RAPGEF2: variants seen among roughly 807,000 people sequenced by gnomAD.
The protein encoded by RAPGEF2 is PDZ domain containing guanine nucleotide exchange factor (GEF) 1.
RAPGEF2 carries 54 observed loss-of-function variants against 186.7 expected under a neutral mutation model. That is an observed-to-expected ratio of 0.29 (90% CI 0.23 to 0.36). RAPGEF2 has a LOEUF of 0.36. Ranked by LOEUF, RAPGEF2 falls within the 10% of genes least tolerant of loss-of-function variation. The probability of loss-of-function intolerance (pLI) is 1.00; values close to 1 mark genes in which losing one functional copy is unlikely to be tolerated. For missense variants in RAPGEF2, 1,532 were observed against 2,045.0 expected (o/e 0.75, Z 4.84); for synonymous variants, 712 against 705.9 (o/e 1.01, Z -0.14).
At chr4:159,228,345 G>A (rs1752255957) in intron 4 of RAPGEF2, 1 of 152,220 alleles carries the variant, frequency 6.6e-6, no homozygotes, top group African/African-American at 2.4e-5. Flanking sequence ...CAAAGATACT[G>A]AAGACAGTGC....
At chr4:159,158,172 A>G (rs984239990) in intron 1 of RAPGEF2, among the ~76,000 whole-genome samples, 22 of 152,312 alleles carry the variant, frequency 1.4e-4, no homozygotes, top group African/African-American at 4.8e-4. Context: ...TTTTTGCCAA[A>G]AGTAAAAAGA....
chr4:159,250,770 C>T (rs930701338), intron 7 of RAPGEF2, among the ~76,000 whole-genome samples: 2 of 150,600 alleles, frequency 1.3e-5, no homozygotes, highest in Non-Finnish European at 2.9e-5. Context: ...TGACAACGTG[C>T]TAGCAGCCCT....
chr4:159,147,695 A>T (rs900561760), intron 1 of RAPGEF2, among the ~76,000 whole-genome samples: 42 of 152,342 alleles, frequency 2.8e-4, no homozygotes, highest in African/African-American at 9.9e-4. Flanking sequence ...AATATTCATT[A>T]AAAATTACAC....
At chr4:159,204,025 C>G (rs1749715284) in intron 3 of RAPGEF2, among the ~76,000 whole-genome samples, 1 of 152,166 alleles carries the variant, frequency 6.6e-6, no homozygotes, top group African/African-American at 2.4e-5. Flanking sequence ...GGGGTTTGGA[C>G]CTTCTCCTGT....
chr4:159,213,065 T>C (rs1161024984), intron 4 of RAPGEF2, among the ~76,000 whole-genome samples: 1 of 152,218 alleles, frequency 6.6e-6, no homozygotes, highest in Non-Finnish European at 1.5e-5. Flanking sequence ...AGTACTTTAA[T>C]AGGGTGAAAG....
chr4:159,248,436 T>G (rs1202038804), intron 7 of RAPGEF2, among the ~76,000 whole-genome samples: 2 of 152,188 alleles, frequency 1.3e-5, no homozygotes, highest in East Asian at 3.9e-4. Flanking sequence ...AAAGTATCCT[T>G]TGCTTTTCAC....
intron 1 of RAPGEF2, among the ~76,000 whole-genome samples, chr4:159,181,954 A>G (rs1747057636): frequency 6.6e-6 from 1 of 152,196 alleles, no homozygotes; most frequent in African/African-American, 2.4e-5. Context: ...TAAATGTTTC[A>G]TTGGGACATT....
At chr4:159,268,135 T>G (rs757213024) in intron 7 of RAPGEF2, 2 of 1,613,454 alleles carry the variant, frequency 1.2e-6, no homozygotes, top group Non-Finnish European at 1.7e-6. Flanking sequence ...GTAAATTCAG[T>G]TCAGCATATG....
intron 4 of RAPGEF2, among the ~76,000 whole-genome samples, chr4:159,216,969 C>T (rs1199528285): frequency 2.0e-5 from 3 of 152,008 alleles, no homozygotes; most frequent in Admixed American, 6.6e-5. Context: ...ATTCTCGTGA[C>T]AAACAATGAG....
In RAPGEF2 at chr4:159,357,955, G is replaced by A. The variant is rs577151636; in HGVS notation, c.4958-159G>A. On this transcript the variant is annotated intron_variant, in intron 29 of 29. Transcript: ENST00000691494. ...ATACATTTTAACCTTTTTGTTGTTC[G>A]TCATTGTTTAGGAAAAAAAGACAAG... Among the ~76,000 whole-genome samples, 9 of 151,706 alleles carry A rather than the reference G, an allele frequency of 5.9e-5. No homozygotes were observed. In the South Asian group the frequency reaches 6.5e-4, roughly 11 times the overall value.
In RAPGEF2 at chr4:159,186,626, C is replaced by A; in HGVS notation, c.70-16C>A. 1 of 1,356,886 alleles carries A rather than the reference C, an allele frequency of 7.4e-7. No homozygotes were observed. The highest frequency in any genetic ancestry group is 2.5e-5 in the Admixed American group (1 of 39,838). The allele number at this position is 1,356,886 out of a possible 1,614,324, so 84.1% of individuals were successfully genotyped here. A position where few individuals can be genotyped will look rare whatever the true frequency, so the allele number is the denominator to read the frequency against. ...CCTGACAGGTCTAATAATTTCTATT[C>A]TTTTCTTTGAAACAGGATCTGGAAA... On this transcript the variant is annotated splice_polypyrimidine_tract_variant and intron_variant, in intron 1 of 29. Transcript: ENST00000691494.
At chr4:159,269,568 G>A (rs1319201597) in intron 7 of RAPGEF2, among the ~76,000 whole-genome samples, 1 of 152,198 alleles carries the variant, frequency 6.6e-6, no homozygotes, top group Non-Finnish European at 1.5e-5. Context: ...AAAAGTAAGA[G>A]TGTTAGTTCA....
In RAPGEF2 at chr4:159,339,372, T is replaced by C; in HGVS notation, c.2534+18T>C. On this transcript the variant is annotated intron_variant, in intron 19 of 29. Coordinates refer to ENST00000691494, the MANE Select transcript of RAPGEF2 (RefSeq NM_001394067.2). ...AGTGGAAGGTATATATTATCTACCTTACTGGATTTCTTTGTCCCCTCTTCG... is the reference window on the plus strand; with the variant it reads ...AGTGGAAGGTATATATTATCTACCTCACTGGATTTCTTTGTCCCCTCTTCG... 2 of 1,600,744 alleles carry C rather than the reference T, an allele frequency of 1.2e-6. No homozygotes were observed. The highest frequency in any genetic ancestry group is 1.1e-5 in the South Asian group (1 of 90,394).
chr4:159,161,942 T>A (rs1744754053), intron 1 of RAPGEF2, among the ~76,000 whole-genome samples: 1 of 152,220 alleles, frequency 6.6e-6, no homozygotes, highest in Non-Finnish European at 1.5e-5. Flanking sequence ...CCAAATCTAT[T>A]CTAAACTTTT....
intron 4 of RAPGEF2, among the ~76,000 whole-genome samples, chr4:159,219,451 G>C (rs903114751): frequency 6.8e-5 from 10 of 146,244 alleles, no homozygotes; most frequent in Admixed American, 6.3e-4. Context: ...CGCCTCCCGG[G>C]TTCACGCCAT....
At chr4:159,142,675 T>G (rs1016376641) in intron 1 of RAPGEF2, among the ~76,000 whole-genome samples, 4 of 152,186 alleles carry the variant, frequency 2.6e-5, no homozygotes, top group African/African-American at 4.8e-5. Context: ...AAAAAGCCTT[T>G]AAAAATTTTC....
intron 7 of RAPGEF2, among the ~76,000 whole-genome samples, chr4:159,279,035 T>G (rs948483643): frequency 6.6e-6 from 1 of 152,166 alleles, no homozygotes; most frequent in Non-Finnish European, 1.5e-5. Context: ...GGTTCCATAC[T>G]CAGCAGCAAC....
intron 9 of RAPGEF2, among the ~76,000 whole-genome samples, chr4:159,320,470 A>T (rs1367546081): frequency 2.0e-5 from 3 of 152,200 alleles, no homozygotes; most frequent in East Asian, 1.9e-4. Context: ...CTTATTTTTT[A>T]AAAAATACTG....
chr4:159,114,364 A>G (rs1738817554), intron 1 of RAPGEF2, among the ~76,000 whole-genome samples: 1 of 152,054 alleles, frequency 6.6e-6, no homozygotes, highest in Non-Finnish European at 1.5e-5. Context: ...AGCCTCCCAA[A>G]GTGCTGGGAT....
Sources: gnomAD v4.1 joint callset for allele counts (sites outside exome capture counted in the v4.1 genomes callset) on GRCh38, gnomAD v4.1.1 for gene constraint, MANE v1.5 for transcripts, NCBI Gene and HGNC (gene_info 2026-07-23, HGNC 2026-07-21) for gene names.